SLC24A3: variants seen among roughly 807,000 people sequenced by gnomAD.
SLC24A3 encodes the protein solute carrier family 24 member 3.
SLC24A3 carries 28 observed loss-of-function variants against 75.8 expected under a neutral mutation model. The ratio of observed to expected loss-of-function variants is 0.37; its 90% confidence interval spans 0.27 to 0.51. The LOEUF (loss-of-function observed/expected upper bound fraction) is 0.51, where lower values mean the gene tolerates loss of function less well. Among genes scored for constraint, SLC24A3 ranks in the 20% least tolerant of loss-of-function variants. The pLI is 0.94. For synonymous variants in SLC24A3, 372 were observed against 334.1 expected, an observed-to-expected ratio of 1.11 and a Z score of -1.24; for missense variants, 663 against 847.8, an observed-to-expected ratio of 0.78 and a Z score of 2.71.
intron 8 of SLC24A3, among the ~76,000 whole-genome samples, chr20:19,671,908 T>G (rs1321828668): frequency 6.7e-6 from 1 of 148,932 alleles, no homozygotes; most frequent in Non-Finnish European, 1.5e-5. Context: ...ACTGAAGGAG[T>G]GGAGGAGGCA....
chr20:19,456,614 C>G (rs1987582330), intron 2 of SLC24A3, among the ~76,000 whole-genome samples: 1 of 152,222 alleles, frequency 6.6e-6, no homozygotes, highest in Non-Finnish European at 1.5e-5. Flanking sequence ...ACAACCCATT[C>G]TTTAAATCTT....
intron 7 of SLC24A3, among the ~76,000 whole-genome samples, chr20:19,665,196 G>C (rs2032382908): frequency 6.6e-6 from 1 of 152,160 alleles, no homozygotes; most frequent in African/African-American, 2.4e-5. Context: ...ATCTTCCTTA[G>C]TGAAAGGGCA....
At chr20:19,676,103 A>T (rs2032520090) in intron 9 of SLC24A3, among the ~76,000 whole-genome samples, 1 of 152,222 alleles carries the variant, frequency 6.6e-6, no homozygotes, top group African/African-American at 2.4e-5. Context: ...GAATTCACTA[A>T]GGGCTTCAGA....
At chr20:19,367,826 C>T (rs774354534) in intron 2 of SLC24A3, among the ~76,000 whole-genome samples, 2 of 152,210 alleles carry the variant, frequency 1.3e-5, no homozygotes, top group Non-Finnish European at 2.9e-5. Context: ...GTGCATTGGC[C>T]GTGTTTGTCT....
intron 2 of SLC24A3, among the ~76,000 whole-genome samples, chr20:19,357,653 G>A (rs1985713061): frequency 6.6e-6 from 1 of 152,128 alleles, no homozygotes; most frequent in Admixed American, 6.5e-5. Context: ...TTTGTGTCAG[G>A]TCTTGATTGA....
intron 1 of SLC24A3, among the ~76,000 whole-genome samples, chr20:19,214,288 C>T (rs994926944): frequency 2.0e-5 from 3 of 152,132 alleles, no homozygotes; most frequent in African/African-American, 7.2e-5. Context: ...TCTCAGATCC[C>T]GTAGCCTTGG....
intron 8 of SLC24A3, among the ~76,000 whole-genome samples, chr20:19,669,786 A>C (rs1333772449): frequency 2.6e-5 from 4 of 152,100 alleles, no homozygotes; most frequent in Non-Finnish European, 5.9e-5. Flanking sequence ...TGTTCAGGAA[A>C]CCAGAGCCAA....
At chr20:19,291,984 C>A (rs951118524) in intron 2 of SLC24A3, among the ~76,000 whole-genome samples, 6 of 152,142 alleles carry the variant, frequency 3.9e-5, no homozygotes, top group African/African-American at 1.4e-4. Flanking sequence ...CATGAGGGAA[C>A]CTTTCAGATA....
At chr20:19,361,049 G>C (rs1254744764) in intron 2 of SLC24A3, among the ~76,000 whole-genome samples, 1 of 152,098 alleles carries the variant, frequency 6.6e-6, no homozygotes. Flanking sequence ...GGATGGTCTC[G>C]ATCTCCTGAC....
At position 19,677,432 on chromosome 20, in the gene SLC24A3, G is replaced by A. The variant is rs139063941; in HGVS notation, c.767+3778G>A. On this transcript the variant is annotated intron_variant, in intron 9 of 16. Transcript: ENST00000328041. ...GGCATCCTTGTCGAATCTAGAAAGT[G>A]TGGAGGCCTTTTCACTAACAGGAAT... Among the ~76,000 whole-genome samples, 572 of 152,220 alleles carry A rather than the reference G, an allele frequency of 3.8e-3. 5 individuals are homozygous for A. Among genetic ancestry groups the A allele is most frequent in the African/African-American group, 0.013 (527 of 41,548 alleles).
chr20:19,693,455 TTA>T (rs2032770187), intron 13 of SLC24A3, 30 bp downstream of exon 13: 1 of 1,609,246 alleles, frequency 6.2e-7, no homozygotes, highest in Non-Finnish European at 8.5e-7. Flanking sequence ...CATGGCACTG[TTA>T]AATCTCTTTA....
chr20:19,374,043 G>A (rs1307180377), intron 2 of SLC24A3, among the ~76,000 whole-genome samples: 2 of 152,124 alleles, frequency 1.3e-5, no homozygotes, highest in East Asian at 1.9e-4. Context: ...ATTTTGTAAC[G>A]TAGCATAGGT....
At chr20:19,494,286 C>T (rs1988250036) in intron 2 of SLC24A3, among the ~76,000 whole-genome samples, 1 of 152,220 alleles carries the variant, frequency 6.6e-6, no homozygotes, top group Admixed American at 6.5e-5. Context: ...AGCAAAATCT[C>T]TCTCCAGAAT....
chr20:19,436,914 A>T (rs1987214049), intron 2 of SLC24A3, among the ~76,000 whole-genome samples: 1 of 152,208 alleles, frequency 6.6e-6, no homozygotes, highest in Non-Finnish European at 1.5e-5. Flanking sequence ...ACATCAGAGG[A>T]TAGCAGCCCC....
intron 2 of SLC24A3, among the ~76,000 whole-genome samples, chr20:19,308,341 G>A (rs1984378391): frequency 6.6e-6 from 1 of 152,188 alleles, no homozygotes; most frequent in Admixed American, 6.5e-5. Context: ...CCTTGCAAAA[G>A]GAAAGCTTCT....
At chr20:19,352,525 C>T (rs143808949) in intron 2 of SLC24A3, among the ~76,000 whole-genome samples, 78 of 152,248 alleles carry the variant, frequency 5.1e-4, no homozygotes, top group African/African-American at 1.8e-3. Context: ...CCCTTAAACA[C>T]GTTATTATTT....
intron 2 of SLC24A3, among the ~76,000 whole-genome samples, chr20:19,513,845 C>G (rs917360655): frequency 6.6e-6 from 1 of 151,652 alleles, no homozygotes; most frequent in African/African-American, 2.4e-5. Flanking sequence ...GAAATGTTAA[C>G]CACATTTCAG....
At chr20:19,233,644 T>C (rs1379358707) in intron 1 of SLC24A3, among the ~76,000 whole-genome samples, 1 of 152,248 alleles carries the variant, frequency 6.6e-6, no homozygotes, top group Non-Finnish European at 1.5e-5. Context: ...TATGTTGATA[T>C]TGTGCAGGAC....
At chr20:19,343,690 A>G (rs1985327953) in intron 2 of SLC24A3, among the ~76,000 whole-genome samples, 1 of 152,148 alleles carries the variant, frequency 6.6e-6, no homozygotes, top group South Asian at 2.1e-4. Flanking sequence ...ACCAAGTGAG[A>G]GCAATTCTTC....
Sources: gnomAD v4.1 joint callset for allele counts (sites outside exome capture counted in the v4.1 genomes callset) on GRCh38, gnomAD v4.1.1 for gene constraint, MANE v1.5 for transcripts, NCBI Gene and HGNC (gene_info 2026-07-23, HGNC 2026-07-21) for gene names.